The following HLCS variants were observed in gnomAD, a reference collection of about 807,000 sequenced individuals.
HLCS encodes holocarboxylase synthetase, also known as biotin--protein ligase.
HLCS carries 53 observed loss-of-function variants against 75.0 expected under a neutral mutation model. The ratio of observed to expected loss-of-function variants is 0.71; its 90% CI spans 0.57 to 0.89. The LOEUF (loss-of-function observed/expected upper bound fraction) is 0.89, where lower values mean the gene tolerates loss of function less well. Ranked by LOEUF, HLCS falls within the 40% of genes least tolerant of loss-of-function variation. The pLI, the probability that HLCS is intolerant of heterozygous loss-of-function variation, is 0.00. For synonymous variants in HLCS, 431 were observed against 428.6 expected, an observed-to-expected ratio of 1.01 and a Z score of -0.07; for missense variants, 966 against 1,074.0, an observed-to-expected ratio of 0.90 and a Z score of 1.41.
At chr21:36,947,846 C>T (rs1291814530) in intron 2 of HLCS, 1 of 985,338 alleles carries the variant, frequency 1.0e-6, no homozygotes, top group East Asian at 1.1e-4. Flanking sequence ...ATCTCAACAA[C>T]CCACTGGTAC....
intron 6 of HLCS, among the ~76,000 whole-genome samples, chr21:36,790,626 A>G (rs2060833014): frequency 6.6e-6 from 1 of 152,182 alleles, no homozygotes; most frequent in African/African-American, 2.4e-5. Context: ...CCGTGGCTCA[A>G]TGGCTGCCTT....
At chr21:36,859,706 G>A (rs1246221887) in intron 6 of HLCS, among the ~76,000 whole-genome samples, 1 of 152,244 alleles carries the variant, frequency 6.6e-6, no homozygotes, top group African/African-American at 2.4e-5. Flanking sequence ...AAACCCAGGA[G>A]TATCCCTCAA....
chr21:36,820,473 C>T (rs942208679), intron 6 of HLCS, among the ~76,000 whole-genome samples: 5 of 152,246 alleles, frequency 3.3e-5, no homozygotes, highest in African/African-American at 9.6e-5. Flanking sequence ...CCTGTCCCTG[C>T]TCCCGGCACC....
intron 9 of HLCS, among the ~76,000 whole-genome samples, chr21:36,758,793 C>T (rs35395049): frequency 1.2e-3 from 183 of 152,078 alleles, no homozygotes; most frequent in Non-Finnish European, 2.2e-3. Flanking sequence ...CCAGCCTGGC[C>T]AACATAGTGA....
rs1391477184 is a variant in HLCS, at chr21:36,749,647, T to G, written c.*4599A>C. 6.6e-6 allele frequency: 1 copy of G among 152,188 alleles called. No individual in the cohort carries two copies. Among genetic ancestry groups the G allele is most frequent in the Non-Finnish European group, 1.5e-5 (1 of 68,032 alleles). The allele number at this position is 152,188 out of a possible 1,614,324, so 9.4% of individuals were successfully genotyped here. A position where few individuals can be genotyped will look rare whatever the true frequency, so the allele number is the denominator to read the frequency against. ...CACTCAGCTATACCTCATTCACAGC[T>G]CCTTGTGAGTGTGTGCACAGGAAAT... On this transcript the variant is annotated 3_prime_UTR_variant, in exon 11 of 11. Transcript: ENST00000674895.
intron 7 of HLCS, among the ~76,000 whole-genome samples, chr21:36,766,460 CA>C (rs2090038531): frequency 6.6e-6 from 1 of 151,890 alleles, no homozygotes; most frequent in African/African-American, 2.4e-5. Flanking sequence ...TTGACAAAAA[CA>C]TTTTTTTTTT....
chr21:36,856,716 C>T (rs1190946535), intron 6 of HLCS, among the ~76,000 whole-genome samples: 1 of 152,086 alleles, frequency 6.6e-6, no homozygotes, highest in Non-Finnish European at 1.5e-5. Flanking sequence ...AAATAGCACC[C>T]ACCACCAATA....
At chr21:36,919,507 C>T (rs1056659516) in intron 5 of HLCS, among the ~76,000 whole-genome samples, 1 of 152,150 alleles carries the variant, frequency 6.6e-6, no homozygotes, top group African/African-American at 2.4e-5. Flanking sequence ...CTCCAGCAAG[C>T]CAGAATGTGA....
intron 6 of HLCS, among the ~76,000 whole-genome samples, chr21:36,863,627 T>TA (rs1224336127): frequency 6.6e-6 from 1 of 152,194 alleles, no homozygotes. Flanking sequence ...GATTTGCACT[T>TA]AAAGACCTCA....
chr21:36,889,766 G>A (rs2064696010), intron 6 of HLCS, among the ~76,000 whole-genome samples: 1 of 152,186 alleles, frequency 6.6e-6, no homozygotes, highest in African/African-American at 2.4e-5. Context: ...ATGTCCCTGG[G>A]ACTCTACTTA....
chr21:36,965,364 T>C (rs1444918904), intron 1 of HLCS, among the ~76,000 whole-genome samples: 8 of 152,214 alleles, frequency 5.3e-5, no homozygotes, highest in African/African-American at 1.9e-4. Flanking sequence ...CCGATGTCCA[T>C]GAAATTTTGT....
At chr21:36,838,634 G>A (rs1306526866) in intron 6 of HLCS, among the ~76,000 whole-genome samples, 1 of 151,682 alleles carries the variant, frequency 6.6e-6, no homozygotes, top group East Asian at 1.9e-4. Context: ...AACCCGGGAG[G>A]CAGAGCTTGC....
At chr21:36,873,974 C>A (rs1884013411) in intron 6 of HLCS, among the ~76,000 whole-genome samples, 1 of 152,142 alleles carries the variant, frequency 6.6e-6, no homozygotes, top group South Asian at 2.1e-4. Flanking sequence ...TAAGAAATTT[C>A]TTCTTAGTCG....
chr21:36,912,134 T>C (rs1165337581), intron 5 of HLCS, among the ~76,000 whole-genome samples: 2 of 150,020 alleles, frequency 1.3e-5, no homozygotes, highest in Non-Finnish European at 3.0e-5. Flanking sequence ...CACTCCCAGG[T>C]ATAAACCCAA....
chr21:36,908,518 C>T (rs1487708185), intron 5 of HLCS, among the ~76,000 whole-genome samples: 5 of 152,152 alleles, frequency 3.3e-5, no homozygotes, highest in Admixed American at 6.5e-5. Context: ...TTGGCAGTTT[C>T]TTGTAAAGTT....
At chr21:36,764,679 T>C (rs2089971666) in intron 8 of HLCS, among the ~76,000 whole-genome samples, 1 of 152,174 alleles carries the variant, frequency 6.6e-6, no homozygotes, top group Admixed American at 6.5e-5. Flanking sequence ...CACTCCAGCG[T>C]GGGTGACAGA....
Position 36,787,270 on chromosome 21 carries a change from G to A in HLCS, c.1893-19985C>T, listed in dbSNP as rs116439232. 5.2e-3 allele frequency among the ~76,000 whole-genome samples: 794 copies of A among 152,174 alleles called. 6 individuals carry two copies. Among genetic ancestry groups the A allele is most frequent in the African/African-American group, 0.018 (730 of 41,520 alleles). ...CCGAGAGCAGTCCTCCAGGGCCACC[G>A]TGGGACGAGGCACCTCTTTGGTAGG... On this transcript the variant is annotated intron_variant, in intron 6 of 10. Coordinates refer to ENST00000674895, the MANE Select transcript of HLCS (RefSeq NM_001352514.2).
intron 3 of HLCS, among the ~76,000 whole-genome samples, chr21:36,937,821 C>T (rs1601808251): frequency 6.6e-6 from 1 of 152,212 alleles, no homozygotes; most frequent in East Asian, 1.9e-4. Context: ...ACTCTCAAGA[C>T]ATGCCATAGG....
chr21:36,877,202 T>A (rs1306218057), intron 6 of HLCS, among the ~76,000 whole-genome samples: 4 of 152,218 alleles, frequency 2.6e-5, no homozygotes, highest in Admixed American at 2.0e-4. Flanking sequence ...TTCTAACATT[T>A]TCTGCCTTTT....
Sources: gnomAD v4.1 joint callset for allele counts (sites outside exome capture counted in the v4.1 genomes callset) on GRCh38, gnomAD v4.1.1 for gene constraint, MANE v1.5 for transcripts, NCBI Gene and HGNC (gene_info 2026-07-23, HGNC 2026-07-21) for gene names.